The following HERC1 variants were observed in gnomAD, a reference collection of about 807,000 sequenced individuals.
The protein encoded by HERC1 is HECT and RLD domain containing E3 ubiquitin protein ligase family member 1.
HERC1 carries 160 observed loss-of-function variants against 554.3 expected under a neutral mutation model. That is an observed-to-expected ratio of 0.29 (90% CI 0.25 to 0.33). The LOEUF (loss-of-function observed/expected upper bound fraction) is 0.33. Ranked by LOEUF, HERC1 falls within the 10% of genes least tolerant of loss-of-function variation. The pLI is 1.00. For missense variants in HERC1, 4,919 were observed against 5,918.5 expected, an observed-to-expected ratio of 0.83 and a Z score of 5.54; for synonymous variants, 2,175 against 2,131.7, an observed-to-expected ratio of 1.02 and a Z score of -0.56.
At chr15:63,762,586 A>C (rs1596185776) in intron 3 of HERC1, among the ~76,000 whole-genome samples, 1 of 152,094 alleles carries the variant, frequency 6.6e-6, no homozygotes, top group Non-Finnish European at 1.5e-5. Flanking sequence ...CGGCCTCCCA[A>C]AGTGCTGGGA....
chr15:63,727,908 A>C lies in HERC1; in HGVS notation c.3155-70T>G. On this transcript the variant is annotated intron_variant, in intron 16 of 77. Transcript: ENST00000443617. This position sits in a 1 kb window ranked among gnomAD's most constrained non-coding sequence, Gnocchi z 4.3. The stretch of plus-strand genomic sequence containing the variant: ...AACTTTAAAAAAAGGAACCTAATAA[A>C]TATTATTTTAGCTTGGAACTAGAGT... 1 of 1,264,366 alleles carries C rather than the reference A, an allele frequency of 7.9e-7. No individual in the cohort carries two copies. Among genetic ancestry groups the C allele is most frequent in the Non-Finnish European group, 1.1e-6 (1 of 890,238 alleles). The allele number at this position is 1,264,366 out of a possible 1,614,324, so 78.3% of individuals were successfully genotyped here. A position where few individuals can be genotyped will look rare whatever the true frequency, so the allele number is the denominator to read the frequency against.
At position 63,608,912 on chromosome 15, in the gene HERC1, A is replaced by G. The variant is rs139175515; in HGVS notation, c.*169T>C. Reference sequence around the variant, plus strand: ...GTTTTTGTACAATCACAGAAAAATAAAAACATCTAATTTCTTTGTTACATT... The same window carrying G: ...GTTTTTGTACAATCACAGAAAAATAGAAACATCTAATTTCTTTGTTACATT... On this transcript the variant is annotated 3_prime_UTR_variant, in exon 78 of 78. Coordinates refer to ENST00000443617, the MANE Select transcript of HERC1 (RefSeq NM_003922.4). The G allele has an allele frequency of 3.1e-4, 167 of 531,730 alleles. No individual in the cohort carries two copies. Among genetic ancestry groups the G allele is most frequent in the African/African-American group, 2.9e-3 (148 of 50,968 alleles). The allele number at this position is 531,730 out of a possible 1,614,324, so 32.9% of individuals were successfully genotyped here. A position where few individuals can be genotyped will look rare whatever the true frequency, so the allele number is the denominator to read the frequency against.
At chr15:63,661,113 G>A (rs907076245) in intron 45 of HERC1, 88 bp from the exon 46 acceptor site, 5 of 936,324 alleles carry the variant, frequency 5.3e-6, no homozygotes, top group African/African-American at 3.3e-5. Context: ...ATTTTAAGAG[G>A]TCATTAATAA....
At chr15:63,765,964 T>C (rs575135129) in intron 2 of HERC1, among the ~76,000 whole-genome samples, 1 of 152,230 alleles carries the variant, frequency 6.6e-6, no homozygotes, top group African/African-American at 2.4e-5. Flanking sequence ...CAGACACTTC[T>C]TGGTTTACAC....
At chr15:63,623,464 C>T (rs1024018203) in intron 73 of HERC1, among the ~76,000 whole-genome samples, 3 of 152,114 alleles carry the variant, frequency 2.0e-5, no homozygotes, top group Non-Finnish European at 4.4e-5. Flanking sequence ...GTTATTCTGC[C>T]AATATTATAA....
At position 63,749,771 on chromosome 15, in the gene HERC1, T is replaced by C; in HGVS notation, c.1923A>G (p.Gly641=). 6.3e-7 allele frequency: 1 copy of C among 1,575,760 alleles called. No homozygotes were observed. The highest frequency in any genetic ancestry group is 8.6e-7 in the Non-Finnish European group (1 of 1,160,198). ...CTGAAGAACCACAACCTAGACAAGC[T>C]CCACAGCCCCAAGCATAGACCTGAA... is the stretch of plus-strand genomic sequence containing the variant. The part of the protein sequence containing the change: ...STGQVYAWGC[G]ACLGCGSSEA... Residue 641 remains glycine, a synonymous_variant, in exon 9 of 78, where the codon GGA becomes GGG. Transcript: ENST00000443617. The surrounding 1 kb of genome is among the most constrained non-coding windows in gnomAD (Gnocchi z 4.1).
intron 51 of HERC1, among the ~76,000 whole-genome samples, chr15:63,652,903 G>C (rs2069777007): frequency 6.6e-6 from 1 of 152,078 alleles, no homozygotes; most frequent in Non-Finnish European, 1.5e-5. Context: ...GCCCACCTCA[G>C]CCTCTCAAAA....
chr15:63,804,477 T>C (rs565514513), intron 1 of HERC1, among the ~76,000 whole-genome samples: 1 of 151,768 alleles, frequency 6.6e-6, no homozygotes, highest in East Asian at 1.9e-4. Context: ...TTCCAGCTAC[T>C]TGGGAGGCTG....
intron 21 of HERC1, 81 bp from the exon 22 acceptor site, chr15:63,716,554 A>G: frequency 2.6e-6 from 3 of 1,175,748 alleles, no homozygotes; most frequent in Non-Finnish European, 3.5e-6. Flanking sequence ...TTAATTTTTT[A>G]TCATGGAAAA....
Position 63,727,670 on chromosome 15 carries a change from T to C in HERC1, c.3323A>G (p.Gln1108Arg), listed in dbSNP as rs964543487. 6.2e-7 allele frequency: 1 copy of C among 1,612,582 alleles called. No homozygotes were observed. The highest frequency in any genetic ancestry group is 8.5e-7 in the Non-Finnish European group (1 of 1,179,226). The change falls in exon 17 of 78, where the codon CAG becomes CGG. Residue 1108 changes from glutamine (Q) to arginine (R), a missense_variant. Transcript: ENST00000443617. This position sits in a 1 kb window ranked among gnomAD's most constrained non-coding sequence, Gnocchi z 4.3. The part of the protein sequence containing the change: ...LLPAADLLED[Q>R]ELQWPLHGGP... ...ACCATGAAGAGGCCACTGTAACTCC[T>C]GGTCTTCTAAAAGATCAGCAGCTGG...
chr15:63,744,164 G>GTGTGTGTCTCTCTCTCTCTCTCTC, intron 12 of HERC1, among the ~76,000 whole-genome samples: 16 of 46,308 alleles, frequency 3.5e-4, no homozygotes, highest in Non-Finnish European at 8.4e-4. Flanking sequence ...GTGTGTGTGT[G>GTGTGTGTCTCTCTCTCTCTCTCTC]TCTCTCTCTC....
chr15:63,787,192 C>T (rs967395087), intron 1 of HERC1, among the ~76,000 whole-genome samples: 9 of 151,320 alleles, frequency 5.9e-5, no homozygotes, highest in Non-Finnish European at 1.2e-4. Flanking sequence ...AGTCTCACTC[C>T]GTCACCAAGG....
chr15:63,657,790 A>G (rs2070130517), intron 48 of HERC1, among the ~76,000 whole-genome samples: 1 of 152,050 alleles, frequency 6.6e-6, no homozygotes, highest in Non-Finnish European at 1.5e-5. Context: ...TAGCCACTTT[A>G]TAACTATTTG....
At chr15:63,778,926 T>G (rs566348539) in intron 1 of HERC1, among the ~76,000 whole-genome samples, 1 of 144,466 alleles carries the variant, frequency 6.9e-6, no homozygotes, top group South Asian at 2.2e-4. Context: ...AAAGCAGAAA[T>G]AGACAAAAAG....
At chr15:63,797,167 C>T (rs1296026476) in intron 1 of HERC1, among the ~76,000 whole-genome samples, 1 of 152,190 alleles carries the variant, frequency 6.6e-6, no homozygotes, top group Non-Finnish European at 1.5e-5. Flanking sequence ...ACTAAACCAC[C>T]TTCATAAAAC....
chr15:63,618,954 G>T (rs987775414), intron 74 of HERC1, among the ~76,000 whole-genome samples: 17 of 152,254 alleles, frequency 1.1e-4, no homozygotes, highest in African/African-American at 3.9e-4. Context: ...GGGACAATTT[G>T]ACTTCCTCTT....
At chr15:63,645,189 C>G in intron 56 of HERC1, 92 bp from the exon 57 acceptor site, 1 of 933,270 alleles carries the variant, frequency 1.1e-6, no homozygotes, top group South Asian at 1.4e-5. Flanking sequence ...TCTGATAGAA[C>G]CACTGCATTA....
At chr15:63,755,084 T>C (rs1218801068) in intron 6 of HERC1, 145 bp downstream of exon 6, 5 of 632,602 alleles carry the variant, frequency 7.9e-6, no homozygotes, top group Non-Finnish European at 1.4e-5. Flanking sequence ...CTAGGTCTTA[T>C]CTATATAAAA....
Position 63,719,387 on chromosome 15 carries a change from G to A in HERC1, c.3743-490C>T, listed in dbSNP as rs116458080. 2.0e-3 allele frequency among the ~76,000 whole-genome samples: 303 copies of A among 152,320 alleles called. 3 individuals are homozygous for A. The highest frequency in any genetic ancestry group is 6.5e-3 in the African/African-American group (271 of 41,570). ...GGGTTCAAGGAGGCCAGTGTGGCTG[G>A]GGCAAACCGTGCATGCACAGAATGG... On this transcript the variant is annotated intron_variant, in intron 19 of 77. Coordinates refer to ENST00000443617, the MANE Select transcript of HERC1 (RefSeq NM_003922.4).
Sources: gnomAD v4.1 joint callset for allele counts (sites outside exome capture counted in the v4.1 genomes callset) on GRCh38, gnomAD v4.1.1 for gene constraint, Gnocchi (gnomAD v3.1) non-coding constraint, MANE v1.5 for transcripts, NCBI Gene and HGNC (gene_info 2026-07-23, HGNC 2026-07-21) for gene names.